Variants in RALYL observed in about 807,000 individuals in gnomAD.
The protein encoded by RALYL is RALY RNA binding protein like, also known as RNA-binding Raly-like protein.
In RALYL, 29 loss-of-function variants were observed where a neutral mutation model predicts 35.1. The observed-to-expected ratio is 0.83, with a 90% CI of 0.61 to 1.13. The LOEUF is 1.13. Among genes scored for constraint, RALYL ranks in the 50% most tolerant of loss-of-function variants. The pLI, the probability that RALYL is intolerant of heterozygous loss-of-function variation, is 0.00. For synonymous variants in RALYL, 120 were observed against 127.6 expected, an observed-to-expected ratio of 0.94 and a Z score of 0.40; for missense variants, 359 against 360.4, an observed-to-expected ratio of 1.00 and a Z score of 0.03.
chr8:84,339,572 A>T (rs1040922190), intron 1 of RALYL, among the ~76,000 whole-genome samples: 2 of 151,886 alleles, frequency 1.3e-5, no homozygotes, highest in Admixed American at 1.3e-4. Flanking sequence ...TATATATTAC[A>T]ATGTAATAAT....
At chr8:84,742,185 A>G (rs1025941511) in intron 2 of RALYL, among the ~76,000 whole-genome samples, 7 of 152,056 alleles carry the variant, frequency 4.6e-5, no homozygotes, top group African/African-American at 1.7e-4. Context: ...CTAAGTGGAT[A>G]AAAATCCAGT....
chr8:84,287,247 A>C (rs914851956), intron 1 of RALYL, among the ~76,000 whole-genome samples: 4 of 152,142 alleles, frequency 2.6e-5, no homozygotes, highest in Admixed American at 2.6e-4. Context: ...GGATAATAAA[A>C]TGGTGAGGGT....
At chr8:84,783,567 CA>C (rs1030627264) in intron 3 of RALYL, among the ~76,000 whole-genome samples, 2 of 152,168 alleles carry the variant, frequency 1.3e-5, no homozygotes, top group African/African-American at 4.8e-5. Flanking sequence ...TGACTTTATG[CA>C]AAAGAAAAAC....
chr8:84,688,686 C>T (rs1184483988), intron 2 of RALYL, among the ~76,000 whole-genome samples: 1 of 151,886 alleles, frequency 6.6e-6, no homozygotes, highest in African/African-American at 2.4e-5. Flanking sequence ...TTTACTATAA[C>T]CCCAAAAGCA....
chr8:84,779,336 C>T (rs1386920549), intron 3 of RALYL, among the ~76,000 whole-genome samples: 1 of 152,106 alleles, frequency 6.6e-6, no homozygotes, highest in East Asian at 1.9e-4. Flanking sequence ...TGATGGAAAG[C>T]TAACAAAAAA....
intron 3 of RALYL, among the ~76,000 whole-genome samples, chr8:84,788,199 G>C (rs1819985098): frequency 6.6e-6 from 1 of 152,054 alleles, no homozygotes; most frequent in East Asian, 1.9e-4. Context: ...TTTTGTATAA[G>C]GTGTAAGGAA....
chr8:84,224,847 G>C (rs1823450570), intron 1 of RALYL, among the ~76,000 whole-genome samples: 1 of 152,068 alleles, frequency 6.6e-6, no homozygotes, highest in African/African-American at 2.4e-5. Context: ...AGTAGAGACA[G>C]GGTTTCACCA....
intron 4 of RALYL, among the ~76,000 whole-genome samples, chr8:84,843,667 C>A (rs536791730): frequency 6.6e-6 from 1 of 152,308 alleles, no homozygotes; most frequent in South Asian, 2.1e-4. Flanking sequence ...CAAGTCAATC[C>A]TAAGCCAAAA....
At chr8:84,877,696 G>C (rs1841437719) in intron 7 of RALYL, among the ~76,000 whole-genome samples, 1 of 151,972 alleles carries the variant, frequency 6.6e-6, no homozygotes, top group Non-Finnish European at 1.5e-5. Context: ...TCCTTTAGTT[G>C]CTTCTCATTT....
intron 2 of RALYL, among the ~76,000 whole-genome samples, chr8:84,555,707 T>G (rs2061066488): frequency 6.6e-6 from 1 of 152,224 alleles, no homozygotes; most frequent in Admixed American, 6.5e-5. Flanking sequence ...ATTTTGCCAC[T>G]TAACATATGC....
chr8:84,499,296 C>T (rs1041239488), intron 1 of RALYL, among the ~76,000 whole-genome samples: 2 of 151,976 alleles, frequency 1.3e-5, no homozygotes, highest in Non-Finnish European at 1.5e-5. Flanking sequence ...ATTTTTTAAA[C>T]ATCACCCCCT....
intron 2 of RALYL, among the ~76,000 whole-genome samples, chr8:84,626,395 T>C (rs1396595689): frequency 6.6e-6 from 1 of 152,186 alleles, no homozygotes; most frequent in Non-Finnish European, 1.5e-5. Context: ...TGTTGTATTA[T>C]TAGTTTCTGA....
intron 1 of RALYL, among the ~76,000 whole-genome samples, chr8:84,472,334 G>C (rs1324745282): frequency 6.6e-6 from 1 of 152,110 alleles, no homozygotes; most frequent in African/African-American, 2.4e-5. Flanking sequence ...GAGGATGTTG[G>C]AAAACAGATG....
intron 1 of RALYL, among the ~76,000 whole-genome samples, chr8:84,431,769 T>C (rs1454597573): frequency 6.6e-6 from 1 of 152,178 alleles, no homozygotes; most frequent in Non-Finnish European, 1.5e-5. Context: ...TGTGTGTCTT[T>C]ACCACATTAT....
chr8:84,647,395 GA>G (rs1827725059), intron 2 of RALYL, among the ~76,000 whole-genome samples: 1 of 152,066 alleles, frequency 6.6e-6, no homozygotes, highest in Non-Finnish European at 1.5e-5. Flanking sequence ...AGAGAAGTAA[GA>G]GGGTGATGTG....
intron 1 of RALYL, among the ~76,000 whole-genome samples, chr8:84,203,954 A>G (rs1817501260): frequency 6.6e-6 from 1 of 152,022 alleles, no homozygotes; most frequent in African/African-American, 2.4e-5. Context: ...AGATTAAGTA[A>G]ACATTCCTGG....
At chr8:84,309,158 CCTGT>C (rs1367069775) in intron 1 of RALYL, among the ~76,000 whole-genome samples, 1 of 150,990 alleles carries the variant, frequency 6.6e-6, no homozygotes, top group Admixed American at 6.6e-5. Flanking sequence ...CTTTAATTTG[CCTGT>C]CTTAGACCAT....
chr8:84,562,740 G>C (rs1304279823), intron 2 of RALYL, among the ~76,000 whole-genome samples: 6 of 151,860 alleles, frequency 4.0e-5, no homozygotes, highest in African/African-American at 1.4e-4. Flanking sequence ...AGACACTGGG[G>C]CCCAACTAGA....
In RALYL at chr8:84,470,012, C is replaced by T. The variant is rs146747322; in HGVS notation, c.-23-59287C>T. Among the ~76,000 whole-genome samples the T allele has an allele frequency of 7.2e-3, 1,096 of 152,234 alleles. 14 individuals are homozygous for T. The highest frequency in any genetic ancestry group is 0.024 in the African/African-American group (989 of 41,546). On this transcript the variant is annotated intron_variant, in intron 1 of 8. Coordinates refer to ENST00000521268, the MANE Select transcript of RALYL (RefSeq NM_173848.7). ...CCTGCTTCGGCTCGCGCACGGTGCGCGCACCCACTGACCTGCGCCCACTGT... is the reference window on the plus strand; with the variant it reads ...CCTGCTTCGGCTCGCGCACGGTGCGTGCACCCACTGACCTGCGCCCACTGT...
Sources: allele counts gnomAD v4.1 joint callset (sites outside exome capture counted in the v4.1 genomes callset), GRCh38; gene constraint gnomAD v4.1.1; transcripts MANE v1.5; gene names NCBI Gene and HGNC (gene_info 2026-07-23, HGNC 2026-07-21).